CACNA2D3: variants seen among roughly 807,000 people sequenced by gnomAD.
CACNA2D3 encodes calcium voltage-gated channel auxiliary subunit alpha2delta 3.
Under a neutral mutation model 160.6 loss-of-function variants are expected in CACNA2D3, and 60 were observed. The ratio of observed to expected loss-of-function variants is 0.37; its 90% confidence interval spans 0.30 to 0.46. CACNA2D3 has a LOEUF of 0.46. Among genes scored for constraint, CACNA2D3 ranks in the 20% least tolerant of loss-of-function variants. The probability of loss-of-function intolerance (pLI) is 1.00; values close to 1 mark genes in which losing one functional copy is unlikely to be tolerated. For missense variants in CACNA2D3, 1,205 were observed against 1,365.0 expected, an observed-to-expected ratio of 0.88 and a Z score of 1.85; for synonymous variants, 558 against 492.9, an observed-to-expected ratio of 1.13 and a Z score of -1.75.
intron 2 of CACNA2D3, among the ~76,000 whole-genome samples, chr3:54,211,022 A>G (rs979784838): frequency 1.3e-5 from 2 of 152,214 alleles, no homozygotes; most frequent in African/African-American, 4.8e-5. Flanking sequence ...AACAGGTATG[A>G]AAAGGAACAC....
At chr3:54,524,186 T>A (rs1486414123) in intron 5 of CACNA2D3, among the ~76,000 whole-genome samples, 1 of 152,106 alleles carries the variant, frequency 6.6e-6, no homozygotes, top group African/African-American at 2.4e-5. Flanking sequence ...TACATAAGTT[T>A]TGGTCTCTTG....
intron 2 of CACNA2D3, among the ~76,000 whole-genome samples, chr3:54,143,609 C>G: frequency 6.6e-6 from 1 of 152,306 alleles, no homozygotes; most frequent in Non-Finnish European, 1.5e-5. Context: ...ACACCATTCT[C>G]CTGCCTCAGC....
intron 2 of CACNA2D3, among the ~76,000 whole-genome samples, chr3:54,126,560 A>T (rs1176011516): frequency 1.3e-5 from 2 of 152,200 alleles, no homozygotes; most frequent in Non-Finnish European, 2.9e-5. Flanking sequence ...TGAGCACAGG[A>T]ATAGCAACCT....
intron 11 of CACNA2D3, among the ~76,000 whole-genome samples, chr3:54,713,390 G>A (rs1352650512): frequency 6.6e-6 from 1 of 152,128 alleles, no homozygotes; most frequent in Non-Finnish European, 1.5e-5. Flanking sequence ...AAATAAACTG[G>A]GGAAGATCCA....
intron 3 of CACNA2D3, among the ~76,000 whole-genome samples, chr3:54,336,113 C>T (rs909080420): frequency 6.6e-6 from 1 of 151,880 alleles, no homozygotes. Flanking sequence ...CTCAGAATCC[C>T]AGGAGACTTG....
intron 3 of CACNA2D3, among the ~76,000 whole-genome samples, chr3:54,350,970 T>TG (rs1559457749): frequency 2.1e-5 from 1 of 48,116 alleles, no homozygotes; most frequent in African/African-American, 8.2e-5. Flanking sequence ...TTGAGTCTGT[T>TG]TTTTTTTTTT....
chr3:54,352,251 G>A (rs1043635389), intron 3 of CACNA2D3, among the ~76,000 whole-genome samples: 4 of 152,138 alleles, frequency 2.6e-5, no homozygotes, highest in African/African-American at 9.7e-5. Context: ...CCTCTACTGA[G>A]TCGTTTATAA....
At chr3:54,922,822 C>G (rs545787201) in intron 27 of CACNA2D3, among the ~76,000 whole-genome samples, 1 of 152,230 alleles carries the variant, frequency 6.6e-6, no homozygotes, top group Admixed American at 6.5e-5. Flanking sequence ...CTCACTCACT[C>G]CCCCCAGTCC....
intron 11 of CACNA2D3, among the ~76,000 whole-genome samples, chr3:54,738,362 G>A (rs1329184082): frequency 1.3e-5 from 2 of 152,166 alleles, no homozygotes; most frequent in East Asian, 1.9e-4. Flanking sequence ...ATGGAAGATT[G>A]CAGAACTTCC....
intron 9 of CACNA2D3, among the ~76,000 whole-genome samples, chr3:54,604,245 T>G (rs1392586057): frequency 6.6e-6 from 1 of 152,134 alleles, no homozygotes; most frequent in Admixed American, 6.5e-5. Flanking sequence ...CATTAGGACT[T>G]TAGGGGTATA....
intron 29 of CACNA2D3, among the ~76,000 whole-genome samples, chr3:54,974,692 G>A (rs1192969111): frequency 1.3e-5 from 2 of 152,196 alleles, no homozygotes; most frequent in African/African-American, 4.8e-5. Context: ...TTCCCTCTGT[G>A]CTCTCCACCC....
chr3:54,546,827 T>C (rs1702073635), intron 5 of CACNA2D3, among the ~76,000 whole-genome samples: 1 of 152,228 alleles, frequency 6.6e-6, no homozygotes, highest in South Asian at 2.1e-4. Context: ...TAATTTGTAC[T>C]CTTTGTTTCT....
rs144271467 is a variant in CACNA2D3, at chr3:54,584,457, C to A, written c.963+2580C>A. ...CAGATAAAATCAGTGAATTTCAGGA[C>A]AGATCAATAGCAATTACCCAATTTG... On this transcript the variant is annotated intron_variant, in intron 9 of 37. Coordinates refer to ENST00000474759, the MANE Select transcript of CACNA2D3 (RefSeq NM_018398.3). 3.4e-3 allele frequency among the ~76,000 whole-genome samples: 510 copies of A among 152,066 alleles called. 2 individuals carry two copies. The highest frequency in any genetic ancestry group is 0.012 in the African/African-American group (484 of 41,450).
At chr3:54,976,190 A>G (rs1702388045) in intron 29 of CACNA2D3, among the ~76,000 whole-genome samples, 1 of 151,916 alleles carries the variant, frequency 6.6e-6, no homozygotes, top group Non-Finnish European at 1.5e-5. Context: ...TTAGAAAGTA[A>G]GGGTGGGGGT....
chr3:54,634,050 T>C (rs1358739296), intron 10 of CACNA2D3, among the ~76,000 whole-genome samples: 2 of 152,194 alleles, frequency 1.3e-5, no homozygotes, highest in African/African-American at 4.8e-5. Flanking sequence ...TGTATGGTCT[T>C]CTCTCAAGTT....
chr3:54,656,803 C>A (rs1324953771), intron 11 of CACNA2D3, among the ~76,000 whole-genome samples: 2 of 152,200 alleles, frequency 1.3e-5, no homozygotes, highest in East Asian at 1.9e-4. Context: ...AGTAACCCTT[C>A]CCCCTTCCCC....
intron 9 of CACNA2D3, chr3:54,626,682 GT>G (rs1699116919): frequency 1.6e-5 from 5 of 312,086 alleles, no homozygotes; most frequent in South Asian, 4.9e-5. Context: ...CATGGTTCCA[GT>G]CAAAAAAAAA....
chr3:54,130,531 G>C (rs1299268384), intron 2 of CACNA2D3, among the ~76,000 whole-genome samples: 1 of 152,132 alleles, frequency 6.6e-6, no homozygotes, highest in East Asian at 1.9e-4. Flanking sequence ...CAGGTACTGT[G>C]ATAAGCCCTT....
Position 54,339,422 on chromosome 3 carries a change from G to A in CACNA2D3, c.321+18864G>A, listed in dbSNP as rs148385853. The stretch of plus-strand genomic sequence containing the variant: ...ACCCCTAACACCTCCCACCACGACC[G>A]CTGTTACGCTATCATTTTCTCTCAT... On this transcript the variant is annotated intron_variant, in intron 3 of 37. Transcript: ENST00000474759. Among the ~76,000 whole-genome samples, 201 of 152,046 alleles carry A rather than the reference G, an allele frequency of 1.3e-3. 2 individuals carry two copies. Among genetic ancestry groups the A allele is most frequent in the African/African-American group, 4.5e-3 (186 of 41,456 alleles).
Sources: allele counts gnomAD v4.1 joint callset (sites outside exome capture counted in the v4.1 genomes callset), GRCh38; gene constraint gnomAD v4.1.1; transcripts MANE v1.5; gene names NCBI Gene and HGNC (gene_info 2026-07-23, HGNC 2026-07-21).